UBA2: variants seen among roughly 807,000 people sequenced by gnomAD.
The protein encoded by UBA2 is SUMO-activating enzyme subunit 2.
Under a neutral mutation model 77.2 loss-of-function variants are expected in UBA2, and 11 were observed. That is an observed-to-expected ratio of 0.14 (90% confidence interval 0.09 to 0.24). The LOEUF is 0.24. Among genes scored for constraint, UBA2 ranks in the 10% least tolerant of loss-of-function variants. The probability of loss-of-function intolerance (pLI) is 1.00; values close to 1 mark genes in which losing one functional copy is unlikely to be tolerated. For synonymous variants in UBA2, 278 were observed against 276.7 expected, an observed-to-expected ratio of 1.00 and a Z score of -0.05; for missense variants, 487 against 781.7, an observed-to-expected ratio of 0.62 and a Z score of 4.50.
At chr19:34,457,630 C>T (rs2965271) in intron 12 of UBA2, among the ~76,000 whole-genome samples, 7 of 152,112 alleles carry the variant, frequency 4.6e-5, no homozygotes, top group Admixed American at 6.5e-5. Flanking sequence ...TTACAGAGGA[C>T]GGCTTTAGTG....
chr19:34,430,595 A>C lies in UBA2; in HGVS notation c.158A>C (p.Asp53Ala). The C allele has an allele frequency of 6.2e-7, 1 of 1,613,834 alleles. No individual in the cohort carries two copies. The highest frequency in any genetic ancestry group is 8.5e-7 in the Non-Finnish European group (1 of 1,179,792). Residue 53 changes from aspartate (D) to alanine (A), a missense_variant, in exon 2 of 17, where the codon GAT becomes GCT. Asp to Ala is a moderately radical substitution (Grantham distance 126). Transcript: ENST00000246548. ...TTGTAGATTGATCTGGATACTATTGATGTAAGCAACCTCAACAGACAGTTT... is the reference window on the plus strand; with the variant it reads ...TTGTAGATTGATCTGGATACTATTGCTGTAAGCAACCTCAACAGACAGTTT... ...HIDLIDLDTI[D>A]VSNLNRQFLF...
At chr19:34,467,267 A>C (rs908958395) in intron 16 of UBA2, 2 of 426,144 alleles carry the variant, frequency 4.7e-6, no homozygotes, top group Non-Finnish European at 4.2e-6. Flanking sequence ...CAGGAGTTGG[A>C]GAACAGCCTG....
rs564212458 is a variant in UBA2, at chr19:34,434,984, AT to A, written c.459+23del. On this transcript the variant is annotated intron_variant, in intron 5 of 16. Coordinates refer to ENST00000246548, the MANE Select transcript of UBA2 (RefSeq NM_005499.3). ...TATCAAAAAGGTAAAGAAAAGTTTT[AT>A]TTTTTTAACTTCCCAAATATTTATT... The A allele has an allele frequency of 1.3e-6, 2 of 1,535,316 alleles. No homozygotes were observed. Among genetic ancestry groups the A allele is most frequent in the Admixed American group, 1.9e-5 (1 of 53,336 alleles).
intron 15 of UBA2, among the ~76,000 whole-genome samples, chr19:34,466,383 T>C (rs1448563167): frequency 6.6e-6 from 1 of 152,206 alleles, no homozygotes; most frequent in Non-Finnish European, 1.5e-5. Flanking sequence ...TAGAAATCTT[T>C]TTTTGGCATT....
chr19:34,457,110 C>T (rs2075571666), intron 12 of UBA2, among the ~76,000 whole-genome samples: 2 of 142,894 alleles, frequency 1.4e-5, no homozygotes, highest in South Asian at 4.5e-4. Flanking sequence ...AGGCAGATCA[C>T]CTGAGATTGG....
At chr19:34,447,194 G>A (rs562022795) in intron 8 of UBA2, among the ~76,000 whole-genome samples, 3 of 152,106 alleles carry the variant, frequency 2.0e-5, no homozygotes, top group Non-Finnish European at 2.9e-5. Flanking sequence ...TGGGAGGCTA[G>A]GCCAGTCTAG....
At chr19:34,431,244 C>CTTTTTTTTTTTTTTTTTTTTT (rs1184297228) in intron 2 of UBA2, among the ~76,000 whole-genome samples, 2 of 69,388 alleles carry the variant, frequency 2.9e-5, no homozygotes, top group African/African-American at 5.9e-5. Context: ...ATTTTCTTTT[C>CTTTTTTTTTTTTTTTTTTTTT]TTTTTTTTTT....
Position 34,428,543 on chromosome 19 carries a change from G to A in UBA2, c.111G>A (p.Val37=). 2 of 1,307,294 alleles carry A rather than the reference G, an allele frequency of 1.5e-6. No homozygotes were observed. The highest frequency in any genetic ancestry group is 2.0e-6 in the Non-Finnish European group (2 of 1,019,672). The allele number at this position is 1,307,294 out of a possible 1,614,324, so 81.0% of individuals were successfully genotyped here. ...GCTGCGAGCTCCTCAAGAATCTCGT[G>A]CTCACCGGTTTCTCCCACATCGACC... ...GIGCELLKNL[V]LTGFSHIDLI... Residue 37 remains valine (V), a synonymous_variant, in exon 1 of 17, where the codon GTG becomes GTA. Coordinates refer to ENST00000246548, the MANE Select transcript of UBA2 (RefSeq NM_005499.3).
chr19:34,428,760 G>T, intron 1 of UBA2, 190 bp downstream of exon 1: 1 of 1,131,254 alleles, frequency 8.8e-7, no homozygotes, highest in Non-Finnish European at 1.1e-6. Context: ...GGCACGGGGC[G>T]GGCCTCCGCT....
At chr19:34,459,749 G>A (rs1435771645) in intron 13 of UBA2, among the ~76,000 whole-genome samples, 1 of 152,184 alleles carries the variant, frequency 6.6e-6, no homozygotes, top group Non-Finnish European at 1.5e-5. Flanking sequence ...CATGCCTCTT[G>A]AGAGAGGAGG....
intron 14 of UBA2, among the ~76,000 whole-genome samples, chr19:34,460,816 G>A (rs2075623013): frequency 6.6e-6 from 1 of 152,164 alleles, no homozygotes; most frequent in Admixed American, 6.5e-5. Context: ...CCGATATCAT[G>A]GATCCTGGGA....
chr19:34,463,743 T>C (rs551720810), intron 14 of UBA2, among the ~76,000 whole-genome samples: 89 of 152,276 alleles, frequency 5.8e-4, no homozygotes, highest in African/African-American at 1.2e-3. Flanking sequence ...GCTGAGATTA[T>C]AGATGTGAGC....
At chr19:34,430,743 G>T in intron 2 of UBA2, 84 bp downstream of exon 2, 1 of 974,322 alleles carries the variant, frequency 1.0e-6, no homozygotes, top group South Asian at 1.4e-5. Context: ...TCATATAGGA[G>T]GGAAAAAATG....
chr19:34,460,576 A>G lies in UBA2; in HGVS notation c.1498+10A>G, dbSNP rs375837895. On this transcript the variant is annotated intron_variant, in intron 14 of 16. Transcript: ENST00000246548. ...GAGGGAGAGACGGAAGGTATCATAC[A>G]TTGTATTTATTCATTCCTCTCATTG... 2.4e-5 allele frequency: 38 copies of G among 1,563,864 alleles called. No homozygotes were observed. The highest frequency in any genetic ancestry group is 7.4e-5 in the Admixed American group (4 of 54,116).
intron 12 of UBA2, among the ~76,000 whole-genome samples, chr19:34,456,937 G>A (rs574838333): frequency 2.2e-4 from 34 of 151,642 alleles, no homozygotes; most frequent in African/African-American, 7.7e-4. Context: ...CTCACCAACA[G>A]TACTAATTAC....
At chr19:34,463,805 A>G (rs2075658387) in intron 14 of UBA2, among the ~76,000 whole-genome samples, 1 of 149,992 alleles carries the variant, frequency 6.7e-6, no homozygotes, top group Admixed American at 6.6e-5. Context: ...ATCAGATTAG[A>G]GCCCACCCTA....
In UBA2 at chr19:34,452,085, A is replaced by C. The variant is rs1464681383; in HGVS notation, c.976A>C (p.Ile326Leu). The C allele has an allele frequency of 6.2e-7, 1 of 1,610,712 alleles. No individual in the cohort carries two copies. ...CTATGCACGTCTTTTTTCAAAGAGCATCGAGACTTTGAGAGTTCATTTAGC... is the reference window on the plus strand; with the variant it reads ...CTATGCACGTCTTTTTTCAAAGAGCCTCGAGACTTTGAGAGTTCATTTAGC... Reference protein sequence around the residue: ...KSYARLFSKSIETLRVHLAEK... With the variant: ...KSYARLFSKSLETLRVHLAEK... Residue 326 changes from isoleucine to leucine, a missense_variant, in exon 10 of 17, where the codon ATC (isoleucine) becomes CTC (leucine). Transcript: ENST00000246548.
chr19:34,468,668 TGCTCA>T (rs945918408), intron 16 of UBA2, among the ~76,000 whole-genome samples: 1 of 152,214 alleles, frequency 6.6e-6, no homozygotes, highest in Non-Finnish European at 1.5e-5. Flanking sequence ...ATATGCACAG[TGCTCA>T]GAACAGTTCC....
Position 34,445,087 on chromosome 19 carries a change from C to T in UBA2, c.737C>T (p.Ser246Leu). ...KRISTKEWAKSTGYDPVKLFT... is the reference protein window; with the variant it reads ...KRISTKEWAKLTGYDPVKLFT... ...ATTTCTACTAAGGAATGGGCTAAAT[C>T]AACTGGATATGATCCAGTTAAACTT... Residue 246 changes from serine to leucine, a missense_variant, in exon 8 of 17, where the codon TCA (serine) becomes TTA (leucine). By Grantham distance (145) the Ser-to-Leu change is moderately radical. Coordinates refer to ENST00000246548, the MANE Select transcript of UBA2 (RefSeq NM_005499.3). The T allele has an allele frequency of 6.2e-7, 1 of 1,613,508 alleles. No homozygotes were observed. The highest frequency in any genetic ancestry group is 8.5e-7 in the Non-Finnish European group (1 of 1,179,698).
Sources: gnomAD v4.1 joint callset for allele counts (sites outside exome capture counted in the v4.1 genomes callset) on GRCh38, gnomAD v4.1.1 for gene constraint, MANE v1.5 for transcripts, NCBI Gene and HGNC (gene_info 2026-07-23, HGNC 2026-07-21) for gene names.